EML6: variants seen among roughly 807,000 people sequenced by gnomAD.
EML6 encodes the protein echinoderm microtubule-associated protein-like 6.
EML6 carries 154 observed loss-of-function variants against 240.1 expected under a neutral mutation model. The observed-to-expected ratio is 0.64, with a 90% CI of 0.56 to 0.73. The LOEUF is 0.73. EML6 is among the 30% of genes least tolerant of loss of function. EML6 has a pLI of 0.00. For missense variants in EML6, 2,964 were observed against 2,474.6 expected (o/e 1.20, Z -4.20); for synonymous variants, 1,148 against 899.0 (o/e 1.28, Z -4.95).
intron 5 of EML6, among the ~76,000 whole-genome samples, chr2:54,826,667 C>T (rs1282662360): frequency 2.6e-5 from 4 of 152,120 alleles, no homozygotes; most frequent in African/African-American, 9.7e-5. Flanking sequence ...TAGGAGTGTC[C>T]TTACTGCCTT....
intron 28 of EML6, among the ~76,000 whole-genome samples, chr2:54,941,271 A>G (rs1003966356): frequency 2.6e-5 from 4 of 152,060 alleles, no homozygotes; most frequent in African/African-American, 2.4e-5. Context: ...ACCATTCAAA[A>G]TCCTCTCTTC....
Position 54,789,878 on chromosome 2 carries a change from C to T in EML6, c.198-23354C>T, listed in dbSNP as rs1572899760. Among the ~76,000 whole-genome samples, 5 of 152,298 alleles carry T rather than the reference C, an allele frequency of 3.3e-5. No homozygotes were observed. In the South Asian group the frequency reaches 1.0e-3, roughly 32 times the overall value. On this transcript the variant is annotated intron_variant, in intron 2 of 41. Transcript: ENST00000356458. ...ACCTAAATAGTAAGTACAGGGAGAG[C>T]TTTATGACACAGAATATCTACAAAT...
Position 54,912,678 on chromosome 2 carries a change from C to A in EML6, c.3498+1636C>A, listed in dbSNP as rs184548870. On this transcript the variant is annotated intron_variant, in intron 25 of 41. Transcript: ENST00000356458. ...TGTGGTATTTGGTATTCTGTTCCTG[C>A]GTTAATTCTCTTAATATAATGGCTT... Among the ~76,000 whole-genome samples the A allele has an allele frequency of 1.6e-3, 237 of 152,228 alleles. 2 individuals are homozygous for A. The highest frequency in any genetic ancestry group is 5.7e-3 in the African/African-American group (236 of 41,542).
At chr2:54,942,645 T>A (rs571635277) in intron 28 of EML6, among the ~76,000 whole-genome samples, 3 of 152,158 alleles carry the variant, frequency 2.0e-5, no homozygotes, top group Non-Finnish European at 4.4e-5. Flanking sequence ...TCTGCCATCT[T>A]CTGCCCCTTC....
At position 54,869,310 on chromosome 2, in the gene EML6, T is replaced by A. The variant is rs200497644; in HGVS notation, c.2181T>A (p.Asp727Glu). 6.8e-4 allele frequency: 1,058 copies of A among 1,551,720 alleles called. No homozygotes were observed. Among genetic ancestry groups the A allele is most frequent in the Middle Eastern group, 1.3e-3 (8 of 5,982 alleles). Residue 727 changes from aspartate to glutamate, a missense_variant, in exon 15 of 42, where the codon GAT (aspartate) becomes GAA (glutamate). Coordinates refer to ENST00000356458, the MANE Select transcript of EML6 (RefSeq NM_001039753.4). ...CCCAGAGGCTGTACCTGGGGCACGA[T>A]GACGACATTCTCAGCCTGACCATCC... is the stretch of plus-strand genomic sequence containing the variant. ...QHSQRLYLGH[D>E]DDILSLTIHP... is the part of the protein sequence containing the mutation.
chr2:54,840,591 G>A (rs1669391875), intron 7 of EML6, among the ~76,000 whole-genome samples: 1 of 152,182 alleles, frequency 6.6e-6, no homozygotes, highest in African/African-American at 2.4e-5. Context: ...ATAAAGGAAT[G>A]AATATATCCC....
chr2:54,887,907 C>G (rs1201002868), intron 17 of EML6, among the ~76,000 whole-genome samples: 1 of 152,188 alleles, frequency 6.6e-6, no homozygotes, highest in Non-Finnish European at 1.5e-5. Flanking sequence ...ATGAACCTAC[C>G]TTGACATATC....
chr2:54,860,414 A>G (rs1266125348), intron 12 of EML6, among the ~76,000 whole-genome samples: 5 of 152,178 alleles, frequency 3.3e-5, no homozygotes, highest in South Asian at 4.1e-4. Flanking sequence ...GTTTCTACCT[A>G]GAAGGGGTTT....
chr2:54,910,040 A>G (rs1471790997), intron 24 of EML6, among the ~76,000 whole-genome samples: 2 of 152,140 alleles, frequency 1.3e-5, no homozygotes, highest in Non-Finnish European at 2.9e-5. Flanking sequence ...TATTATGTAT[A>G]TGTATACTGA....
chr2:54,841,471 C>T (rs554683202), intron 7 of EML6, among the ~76,000 whole-genome samples: 1 of 152,146 alleles, frequency 6.6e-6, no homozygotes, highest in South Asian at 2.1e-4. Flanking sequence ...CTCATTGGAT[C>T]CTCTCGGGAC....
chr2:54,760,020 G>T (rs559040052), intron 2 of EML6, among the ~76,000 whole-genome samples: 35 of 151,742 alleles, frequency 2.3e-4, no homozygotes, highest in Non-Finnish European at 1.0e-4. Flanking sequence ...CCGATTCTGG[G>T]CCATTACTCT....
intron 10 of EML6, among the ~76,000 whole-genome samples, chr2:54,852,522 T>G (rs944962869): frequency 1.3e-5 from 2 of 152,238 alleles, no homozygotes; most frequent in African/African-American, 4.8e-5. Flanking sequence ...CTAGTATCTT[T>G]GTTGGTCCAG....
At chr2:54,890,056 T>C (rs1484783902) in intron 17 of EML6, among the ~76,000 whole-genome samples, 1 of 152,240 alleles carries the variant, frequency 6.6e-6, no homozygotes, top group African/African-American at 2.4e-5. Context: ...CTTTAATTTC[T>C]ACTGTATTGG....
intron 28 of EML6, among the ~76,000 whole-genome samples, chr2:54,944,096 T>G (rs1387509104): frequency 6.6e-6 from 1 of 152,130 alleles, no homozygotes; most frequent in East Asian, 1.9e-4. Context: ...GCTGGCATCT[T>G]TTCACCCTCT....
At chr2:54,928,282 C>T in intron 26 of EML6, 31 bp from the exon 27 acceptor site, 1 of 1,515,254 alleles carries the variant, frequency 6.6e-7, no homozygotes. Context: ...ATAACAGTGG[C>T]TGGGGTAATA....
At chr2:54,902,049 A>G (rs1348677993) in intron 22 of EML6, among the ~76,000 whole-genome samples, 1 of 152,220 alleles carries the variant, frequency 6.6e-6, no homozygotes, top group Non-Finnish European at 1.5e-5. Flanking sequence ...AGAAGAGGCA[A>G]GAACAACATC....
chr2:54,907,933 T>TAGATAGATA (rs1673418603), intron 24 of EML6, among the ~76,000 whole-genome samples: 2 of 41,870 alleles, frequency 4.8e-5, no homozygotes, highest in African/African-American at 1.7e-4. Flanking sequence ...GATAGATAGA[T>TAGATAGATA]AGATAGATAG....
At chr2:54,891,273 C>A in intron 18 of EML6, 119 bp downstream of exon 18, 1 of 532,360 alleles carries the variant, frequency 1.9e-6, no homozygotes. Flanking sequence ...TAAAAATGTG[C>A]CTAAAAAAAT....
chr2:54,921,874 A>G (rs1033082741), intron 26 of EML6, among the ~76,000 whole-genome samples: 3 of 152,180 alleles, frequency 2.0e-5, no homozygotes, highest in African/African-American at 7.2e-5. Flanking sequence ...GGATATCTAC[A>G]TTCAAAAGAA....
Sources: allele counts gnomAD v4.1 joint callset (sites outside exome capture counted in the v4.1 genomes callset), GRCh38; gene constraint gnomAD v4.1.1; transcripts MANE v1.5; gene names NCBI Gene and HGNC (gene_info 2026-07-23, HGNC 2026-07-21).